SEMA5A: variants seen among roughly 807,000 people sequenced by gnomAD.
The protein encoded by SEMA5A is semaphorin-5A.
Under a neutral mutation model 135.5 loss-of-function variants are expected in SEMA5A, and 55 were observed. The ratio of observed to expected loss-of-function variants is 0.41; its 90% CI spans 0.33 to 0.51. The LOEUF is 0.51. Ranked by LOEUF, SEMA5A falls within the 20% of genes least tolerant of loss-of-function variation. The probability of loss-of-function intolerance (pLI) is 0.37; values close to 1 mark genes in which losing one functional copy is unlikely to be tolerated. For synonymous variants in SEMA5A, 580 were observed against 546.5 expected, an observed-to-expected ratio of 1.06 and a Z score of -0.85; for missense variants, 1,290 against 1,419.9, an observed-to-expected ratio of 0.91 and a Z score of 1.47.
chr5:9,485,258 T>TA (rs57189995), intron 1 of SEMA5A, among the ~76,000 whole-genome samples: 12,334 of 145,344 alleles, frequency 0.085, 838 homozygotes, highest in African/African-American at 0.19. Flanking sequence ...CCCTGGAAAT[T>TA]AAAAAAAAAA....
chr5:9,054,474 T>A (rs1223523046), intron 18 of SEMA5A, among the ~76,000 whole-genome samples: 1 of 152,036 alleles, frequency 6.6e-6, no homozygotes, highest in African/African-American at 2.4e-5. Context: ...CAGATCCAGT[T>A]TTACAGATTC....
At chr5:9,389,288 G>A (rs1308157858) in intron 2 of SEMA5A, among the ~76,000 whole-genome samples, 1 of 152,076 alleles carries the variant, frequency 6.6e-6, no homozygotes, top group Non-Finnish European at 1.5e-5. Context: ...CGTTCTCAGA[G>A]GCCCTTTTCT....
At chr5:9,285,777 G>C (rs556613576) in intron 5 of SEMA5A, among the ~76,000 whole-genome samples, 1 of 152,318 alleles carries the variant, frequency 6.6e-6, no homozygotes, top group South Asian at 2.1e-4. Context: ...AAGCCATGAG[G>C]GTGACCTCCT....
intron 1 of SEMA5A, chr5:9,511,316 G>A (rs1437049655): frequency 6.6e-6 from 1 of 152,112 alleles, no homozygotes; most frequent in Non-Finnish European, 1.5e-5. Flanking sequence ...TATGGAATTG[G>A]AATATATCCT....
At chr5:9,133,074 G>T (rs1741524925) in intron 13 of SEMA5A, among the ~76,000 whole-genome samples, 2 of 152,136 alleles carry the variant, frequency 1.3e-5, no homozygotes, top group East Asian at 3.9e-4. Flanking sequence ...AACATATAAA[G>T]CAGTGGTACA....
rs531102448 is a variant in SEMA5A, at chr5:9,311,312, G to C, written c.270+7060C>G. The stretch of plus-strand genomic sequence containing the variant: ...AATTGTCGGAAGTTGAGAACTTCTA[G>C]TCTAAAAATTGACTCACGTTGAAAC... On this transcript the variant is annotated intron_variant, in intron 5 of 22. Coordinates refer to ENST00000382496, the MANE Select transcript of SEMA5A (RefSeq NM_003966.3). Among the ~76,000 whole-genome samples, 3 of 152,052 alleles carry C rather than the reference G, an allele frequency of 2.0e-5. 1 individual carries two copies. The highest frequency in any genetic ancestry group is 4.2e-4 in the South Asian group (2 of 4,802).
chr5:9,043,455 A>AACTT (rs371129226), intron 22 of SEMA5A, among the ~76,000 whole-genome samples: 204 of 152,342 alleles, frequency 1.3e-3, no homozygotes, highest in African/African-American at 4.8e-3. Flanking sequence ...ACCTTGATGG[A>AACTT]ACTTATTTAA....
chr5:9,280,726 G>T, intron 5 of SEMA5A: 1 of 261,170 alleles, frequency 3.8e-6, no homozygotes, highest in Admixed American at 4.8e-5. Flanking sequence ...TTTTTACATG[G>T]AGGACTCTCA....
In SEMA5A at chr5:9,386,950, A is replaced by G. The variant is rs183284796; in HGVS notation, c.-77-6927T>C. On this transcript the variant is annotated intron_variant, in intron 2 of 22. Coordinates refer to ENST00000382496, the MANE Select transcript of SEMA5A (RefSeq NM_003966.3). ...GCCCTTGGTACATCTGAGACAAGAA[A>G]TGAGTCAAGGACTCCCAGAATTTGG... Among the ~76,000 whole-genome samples, 268 of 152,340 alleles carry G rather than the reference A, an allele frequency of 1.8e-3. 1 individual carries two copies. Among genetic ancestry groups the G allele is most frequent in the Non-Finnish European group, 2.2e-3 (148 of 68,026 alleles).
intron 1 of SEMA5A, among the ~76,000 whole-genome samples, chr5:9,483,524 A>T (rs1254464180): frequency 6.6e-6 from 1 of 152,240 alleles, no homozygotes; most frequent in African/African-American, 2.4e-5. Context: ...TGCATTAGGC[A>T]TATGGACTTC....
chr5:9,442,318 G>A (rs556801509), intron 1 of SEMA5A, among the ~76,000 whole-genome samples: 16 of 152,302 alleles, frequency 1.1e-4, no homozygotes, highest in South Asian at 6.2e-4. Flanking sequence ...AGGTGAAGTC[G>A]CCTGGTTGGC....
At chr5:9,180,170 T>G (rs1744424834) in intron 11 of SEMA5A, among the ~76,000 whole-genome samples, 1 of 152,166 alleles carries the variant, frequency 6.6e-6, no homozygotes, top group South Asian at 2.1e-4. Flanking sequence ...CCAGTATGAC[T>G]TCATCTGGAC....
At chr5:9,381,025 T>A (rs1001134826) in intron 2 of SEMA5A, among the ~76,000 whole-genome samples, 1 of 152,148 alleles carries the variant, frequency 6.6e-6, no homozygotes, top group Non-Finnish European at 1.5e-5. Flanking sequence ...GTACTCGATC[T>A]AGGAAGTTTA....
At chr5:9,252,784 T>C (rs1254024910) in intron 5 of SEMA5A, among the ~76,000 whole-genome samples, 2 of 152,160 alleles carry the variant, frequency 1.3e-5, no homozygotes, top group African/African-American at 2.4e-5. Flanking sequence ...GTTTCCCATA[T>C]GGAATATAAT....
At position 9,042,552 on chromosome 5, in the gene SEMA5A, C is replaced by T. The variant is rs772763760; in HGVS notation, c.*345G>A. Reference sequence around the variant, plus strand: ...TGAATTACAACATCATGAAGATTTACACTCCAAAGTTCTAAAGAAAGACTC... The same window carrying T: ...TGAATTACAACATCATGAAGATTTATACTCCAAAGTTCTAAAGAAAGACTC... On this transcript the variant is annotated 3_prime_UTR_variant, in exon 23 of 23. Transcript: ENST00000382496. 50 of 262,936 alleles carry T rather than the reference C, an allele frequency of 1.9e-4. No homozygotes were observed. Among genetic ancestry groups the T allele is most frequent in the Non-Finnish European group, 2.8e-4 (39 of 138,718 alleles). 16.3% of individuals were successfully genotyped at this position (262,936 alleles called of 1,614,324 possible).
chr5:9,302,384 G>T (rs1271603420), intron 5 of SEMA5A, among the ~76,000 whole-genome samples: 2 of 152,110 alleles, frequency 1.3e-5, no homozygotes, highest in Non-Finnish European at 1.5e-5. Context: ...ACAGGCTAAC[G>T]CATGGATCAT....
At chr5:9,133,953 TTC>T (rs1741584599) in intron 13 of SEMA5A, among the ~76,000 whole-genome samples, 1 of 151,962 alleles carries the variant, frequency 6.6e-6, no homozygotes, top group Non-Finnish European at 1.5e-5. Flanking sequence ...GTTTCTCCCA[TTC>T]TGTTTTCCTG....
At chr5:9,477,858 T>C (rs901814594) in intron 1 of SEMA5A, among the ~76,000 whole-genome samples, 1 of 152,146 alleles carries the variant, frequency 6.6e-6, no homozygotes, top group Non-Finnish European at 1.5e-5. Flanking sequence ...AGGGAGAAAT[T>C]CAAGCCAGCT....
intron 13 of SEMA5A, among the ~76,000 whole-genome samples, chr5:9,133,519 AT>A (rs1475403419): frequency 6.6e-6 from 1 of 152,200 alleles, no homozygotes; most frequent in Non-Finnish European, 1.5e-5. Flanking sequence ...ATACCCTGTC[AT>A]CAGAAGAAGC....
Sources: allele counts gnomAD v4.1 joint callset (sites outside exome capture counted in the v4.1 genomes callset), GRCh38; gene constraint gnomAD v4.1.1; transcripts MANE v1.5; gene names NCBI Gene and HGNC (gene_info 2026-07-23, HGNC 2026-07-21).